Variants in CENPX observed in about 807,000 individuals in gnomAD.
CENPX encodes FANCM associated histone fold protein 2.
In CENPX, 13 loss-of-function variants were observed where a neutral mutation model predicts 13.2. The ratio of observed to expected loss-of-function variants is 0.98; its 90% CI spans 0.64 to 1.56. The LOEUF is 1.56. Among genes scored for constraint, CENPX ranks in the 40% most tolerant of loss-of-function variants. CENPX has a pLI of 0.00. For missense variants in CENPX, 138 were observed against 107.5 expected (o/e 1.28, Z -1.26); for synonymous variants, 66 against 47.2 (o/e 1.40, Z -1.63).
Position 82,018,939 on chromosome 17 carries a change from C to A in CENPX, c.*266G>T, listed in dbSNP as rs2043219784. 1 of 418,422 alleles carries A rather than the reference C, an allele frequency of 2.4e-6. No individual in the cohort carries two copies. Among genetic ancestry groups the A allele is most frequent in the Non-Finnish European group, 4.1e-6 (1 of 242,326 alleles). 25.9% of individuals were successfully genotyped at this position (418,422 alleles called of 1,614,324 possible). On this transcript the variant is annotated 3_prime_UTR_variant, in exon 5 of 5. Coordinates refer to ENST00000392359, the MANE Select transcript of CENPX (RefSeq NM_001271006.2). ...CCTGTAGGACCCCGGGTGGCATGCA[C>A]ACTATTGTCCCAGGGAGGAGAGGCA...
chr17:82,021,152 G>A (rs951563072), intron 1 of CENPX, among the ~76,000 whole-genome samples: 1 of 152,238 alleles, frequency 6.6e-6, no homozygotes, highest in Non-Finnish European at 1.5e-5. Flanking sequence ...GTGACAAGCA[G>A]AGCATGGACG....
In CENPX at chr17:82,018,926, C is replaced by T. The variant is rs1269906972; in HGVS notation, c.*279G>A. The T allele has an allele frequency of 1.5e-5, 6 of 405,170 alleles. No homozygotes were observed. Among genetic ancestry groups the T allele is most frequent in the Admixed American group, 8.6e-5 (2 of 23,196 alleles). The allele number at this position is 405,170 out of a possible 1,614,324, so 25.1% of individuals were successfully genotyped here. A position where few individuals can be genotyped will look rare whatever the true frequency, so the allele number is the denominator to read the frequency against. On this transcript the variant is annotated 3_prime_UTR_variant, in exon 5 of 5. Transcript: ENST00000392359. ...TTCCCAGCACCTGCCTGTAGGACCC[C>T]GGGTGGCATGCACACTATTGTCCCA...
chr17:82,019,939 C>A, intron 1 of CENPX, 30 bp from the exon 2 acceptor site: 3 of 1,519,144 alleles, frequency 2.0e-6, no homozygotes, highest in Admixed American at 1.9e-5. Context: ...CAGCGCCACG[C>A]CCCGCCCTCC....
In CENPX at chr17:82,019,193, C is replaced by G; in HGVS notation, c.*12G>C. On this transcript the variant is annotated 3_prime_UTR_variant, in exon 5 of 5. Coordinates refer to ENST00000392359, the MANE Select transcript of CENPX (RefSeq NM_001271006.2). ...GCTCCTCTGGGGGTGGCCTCAGCCA[C>G]GGCTGAGATCCCTAGAAGTCCAGGA... 6.4e-7 allele frequency: 1 copy of G among 1,559,938 alleles called. No homozygotes were observed. Among genetic ancestry groups the G allele is most frequent in the Non-Finnish European group, 8.7e-7 (1 of 1,148,452 alleles).
intron 1 of CENPX, among the ~76,000 whole-genome samples, chr17:82,021,915 G>A (rs2043292229): frequency 6.6e-6 from 1 of 152,066 alleles, no homozygotes; most frequent in Non-Finnish European, 1.5e-5. Flanking sequence ...CTGCTGCCTT[G>A]GGTGATAAAG....
intron 2 of CENPX, 75 bp downstream of exon 2, chr17:82,019,783 C>T (rs1258507916): frequency 6.4e-7 from 1 of 1,561,768 alleles, no homozygotes; most frequent in Admixed American, 1.9e-5. Context: ...GAGGCCTTGG[C>T]CCTGCAGAGT....
chr17:82,022,750 C>A, intron 1 of CENPX, 76 bp downstream of exon 1: 1 of 1,496,946 alleles, frequency 6.7e-7, no homozygotes, highest in East Asian at 2.5e-5. Context: ...GGGCTGGCGT[C>A]TGGCCCTCAC....
chr17:82,019,616 G>T (rs1487283027), intron 3 of CENPX, 25 bp downstream of exon 3: 20 of 1,550,156 alleles, frequency 1.3e-5, no homozygotes, highest in Non-Finnish European at 1.7e-5. Flanking sequence ...GCTGTGCCCG[G>T]AGGGAGCGTG....
In CENPX at chr17:82,019,133, G is replaced by A. The variant is rs570117607; in HGVS notation, c.*72C>T. 60 of 1,490,732 alleles carry A rather than the reference G, an allele frequency of 4.0e-5. No homozygotes were observed. Among genetic ancestry groups the A allele is most frequent in the South Asian group, 7.0e-5 (5 of 71,442 alleles). The allele number at this position is 1,490,732 out of a possible 1,614,324, so 92.3% of individuals were successfully genotyped here. A position where few individuals can be genotyped will look rare whatever the true frequency, so the allele number is the denominator to read the frequency against. The stretch of plus-strand genomic sequence containing the variant: ...CCTTCCCTGCCTCTTATCAGAGGCC[G>A]CTGGAAACACAAGGCCTGCTTCTGT... On this transcript the variant is annotated 3_prime_UTR_variant, in exon 5 of 5. Transcript: ENST00000392359.
chr17:82,019,990 G>A, intron 1 of CENPX, 81 bp from the exon 2 acceptor site: 1 of 1,341,360 alleles, frequency 7.5e-7, no homozygotes, highest in Non-Finnish European at 1.0e-6. Context: ...TGGTGACAGT[G>A]GCTGTGACTT....
At position 82,018,904 on chromosome 17, in the gene CENPX, C is replaced by T. The variant is rs915146453; in HGVS notation, c.*301G>A. On this transcript the variant is annotated 3_prime_UTR_variant, in exon 5 of 5. Transcript: ENST00000392359. Reference sequence around the variant, plus strand: ...AGGCTACCTGCTGGCCAGGCCTTTCCCAGCACCTGCCTGTAGGACCCCGGG... The same window carrying T: ...AGGCTACCTGCTGGCCAGGCCTTTCTCAGCACCTGCCTGTAGGACCCCGGG... 1 of 391,328 alleles carries T rather than the reference C, an allele frequency of 2.6e-6. No individual in the cohort carries two copies. The highest frequency in any genetic ancestry group is 2.1e-5 in the African/African-American group (1 of 48,524). The allele number at this position is 391,328 out of a possible 1,614,324, so 24.2% of individuals were successfully genotyped here.
At chr17:82,019,780 T>C in intron 2 of CENPX, 78 bp downstream of exon 2, 1 of 1,559,348 alleles carries the variant, frequency 6.4e-7, no homozygotes, top group Admixed American at 1.9e-5. Flanking sequence ...CCCGAGGCCT[T>C]GGCCCTGCAG....
chr17:82,022,801 C>CT, intron 1 of CENPX, 25 bp downstream of exon 1: 1 of 1,572,898 alleles, frequency 6.4e-7, no homozygotes, highest in Non-Finnish European at 8.6e-7. Flanking sequence ...CCGCGCCTGC[C>CT]TAGCCCCTGC....
Position 82,022,809 on chromosome 17 carries a change from T to C in CENPX, c.36+17A>G. ...GGAGCGTCCGCGCCTGCCTAGCCCC[T>C]GCCCTCCGGCCCTCACCTTCCGGAA... is the stretch of plus-strand genomic sequence containing the variant. On this transcript the variant is annotated intron_variant, in intron 1 of 4. Transcript: ENST00000392359. The C allele has an allele frequency of 1.3e-6, 2 of 1,580,460 alleles. No individual in the cohort carries two copies. Among genetic ancestry groups the C allele is most frequent in the South Asian group, 1.1e-5 (1 of 87,006 alleles).
rs1030838662 is a variant in CENPX at position 82,019,094 on chromosome 17, C to T, written c.*111G>A. 6.5e-5 allele frequency: 93 copies of T among 1,427,600 alleles called. No homozygotes were observed. The highest frequency in any genetic ancestry group is 3.8e-4 in the Middle Eastern group (2 of 5,232). The allele number at this position is 1,427,600 out of a possible 1,614,324, so 88.4% of individuals were successfully genotyped here. A position where few individuals can be genotyped will look rare whatever the true frequency, so the allele number is the denominator to read the frequency against. On this transcript the variant is annotated 3_prime_UTR_variant, in exon 5 of 5. Transcript: ENST00000392359. The stretch of plus-strand genomic sequence containing the variant: ...CCAGAGATCTTGTTTGAATCAACTC[C>T]AAATCCTTCAGGTCCTTCCCTGCCT...
At position 82,022,763 on chromosome 17, in the gene CENPX, T is replaced by C. The variant is rs1036753435; in HGVS notation, c.36+63A>G. ...GGGGGCTGGCGTCTGGCCCTCACAG[T>C]GTCACGCGTGAGGTCGGGACGGAGC... On this transcript the variant is annotated intron_variant, in intron 1 of 4. Transcript: ENST00000392359. 16 of 1,514,498 alleles carry C rather than the reference T, an allele frequency of 1.1e-5. No homozygotes were observed. In the African/African-American group the frequency reaches 2.1e-4, roughly 20 times the overall value. 93.8% of individuals were successfully genotyped at this position (1,514,498 alleles called of 1,614,324 possible). A position where few individuals can be genotyped will look rare whatever the true frequency, so the allele number is the denominator to read the frequency against.
At chr17:82,020,842 C>T (rs1028196646) in intron 1 of CENPX, among the ~76,000 whole-genome samples, 3 of 152,200 alleles carry the variant, frequency 2.0e-5, no homozygotes, top group Non-Finnish European at 2.9e-5. Flanking sequence ...GTTTGGGATG[C>T]GTTGTGTGTG....
chr17:82,019,306 A>G lies in CENPX; in HGVS notation c.218T>C (p.Val73Ala), dbSNP rs1412430469. 6.3e-7 allele frequency: 1 copy of G among 1,592,746 alleles called. No homozygotes were observed. Among genetic ancestry groups the G allele is most frequent in the East Asian group, 2.3e-5 (1 of 44,002 alleles). ...ACGCTCACGCACCAGCTGCGGAAGC[A>G]CCTTCTCCAGCTGGTCCACGTCCAC... is the stretch of plus-strand genomic sequence containing the variant. The part of the protein sequence containing the change: ...LRVDVDQLEK[V>A]LPQLLLDF Residue 73 changes from valine to alanine, a missense_variant, in exon 4 of 5, where the codon GTG (valine) becomes GCG (alanine). Val to Ala is a moderately conservative substitution (Grantham distance 64). Transcript: ENST00000392359.
At chr17:82,022,065 G>C (rs1043087623) in intron 1 of CENPX, among the ~76,000 whole-genome samples, 3 of 152,334 alleles carry the variant, frequency 2.0e-5, no homozygotes, top group Admixed American at 2.0e-4. Flanking sequence ...CATCGAGGAA[G>C]CTCGGTGCCC....
Sources: gnomAD v4.1 joint callset for allele counts (sites outside exome capture counted in the v4.1 genomes callset) on GRCh38, gnomAD v4.1.1 for gene constraint, MANE v1.5 for transcripts, NCBI Gene and HGNC (gene_info 2026-07-23, HGNC 2026-07-21) for gene names.